Variants in BACH2 observed in about 807,000 individuals in gnomAD.
BACH2 encodes the protein BACH transcriptional regulator 2.
In BACH2, 5 loss-of-function variants were observed where a neutral mutation model predicts 61.8. The ratio of observed to expected loss-of-function variants is 0.08; its 90% CI spans 0.04 to 0.17. BACH2 has a LOEUF of 0.17. BACH2 is among the 10% of genes least tolerant of loss of function. The pLI is 1.00. For synonymous variants in BACH2, 446 were observed against 440.1 expected (o/e 1.01, Z -0.17); for missense variants, 824 against 1,091.1 (o/e 0.76, Z 3.45).
chr6:90,227,370 G>C (rs1769951019), intron 3 of BACH2, among the ~76,000 whole-genome samples: 1 of 152,176 alleles, frequency 6.6e-6, no homozygotes, highest in Non-Finnish European at 1.5e-5. Context: ...TCAAACAATG[G>C]GGTCTTTCAG....
intron 3 of BACH2, among the ~76,000 whole-genome samples, chr6:90,247,242 TC>T (rs1770666342): frequency 1.3e-5 from 2 of 151,666 alleles, no homozygotes; most frequent in African/African-American, 4.9e-5. Context: ...TCTTTCTTCT[TC>T]TTCTTTTTTT....
intron 4 of BACH2, among the ~76,000 whole-genome samples, chr6:90,125,485 C>T (rs1783809746): frequency 1.3e-5 from 2 of 152,210 alleles, no homozygotes; most frequent in African/African-American, 4.8e-5. Flanking sequence ...ACCACCCTCC[C>T]AGGTAGGCAA....
At chr6:90,185,927 T>C (rs1768340709) in intron 4 of BACH2, among the ~76,000 whole-genome samples, 1 of 152,230 alleles carries the variant, frequency 6.6e-6, no homozygotes, top group South Asian at 2.1e-4. Context: ...GCAGCCAGTT[T>C]AGTGTTACTG....
chr6:90,180,374 A>G (rs935978579), intron 4 of BACH2, among the ~76,000 whole-genome samples: 7 of 152,212 alleles, frequency 4.6e-5, no homozygotes, highest in Non-Finnish European at 1.0e-4. Flanking sequence ...AATTGCACTA[A>G]TACTTAAAAA....
chr6:90,160,971 C>T (rs1161319347), intron 4 of BACH2, among the ~76,000 whole-genome samples: 2 of 151,854 alleles, frequency 1.3e-5, no homozygotes, highest in Non-Finnish European at 2.9e-5. Context: ...GCTTGTAGTA[C>T]CAGCTACTCT....
At chr6:90,218,262 A>C (rs2127854659) in intron 3 of BACH2, 1 of 152,244 alleles carries the variant, frequency 6.6e-6, no homozygotes, top group East Asian at 1.9e-4. Flanking sequence ...TTGCTCTAAA[A>C]ATTTTTTTAA....
chr6:90,101,541 G>C (rs1448621600), intron 4 of BACH2, among the ~76,000 whole-genome samples: 1 of 152,132 alleles, frequency 6.6e-6, no homozygotes, highest in African/African-American at 2.4e-5. Context: ...AAAACTTTGA[G>C]CATACGTGTA....
chr6:89,952,199 C>T, intron 6 of BACH2: 1 of 301,602 alleles, frequency 3.3e-6, no homozygotes, highest in Non-Finnish European at 6.3e-6. Flanking sequence ...TAATTTCCCT[C>T]CCAATCAGTC....
At chr6:89,949,696 G>A (rs927880761) in intron 7 of BACH2, among the ~76,000 whole-genome samples, 3 of 152,182 alleles carry the variant, frequency 2.0e-5, no homozygotes, top group African/African-American at 7.2e-5. Context: ...TGACTAGGGT[G>A]CTTCTGTGAT....
intron 4 of BACH2, among the ~76,000 whole-genome samples, chr6:90,156,713 GGCA>G (rs1327175174): frequency 1.3e-5 from 2 of 152,056 alleles, no homozygotes; most frequent in African/African-American, 4.8e-5. Flanking sequence ...GAAAAAGAAA[GGCA>G]GCAGATTTCA....
At chr6:90,054,670 G>A (rs959593114) in intron 5 of BACH2, among the ~76,000 whole-genome samples, 2 of 152,334 alleles carry the variant, frequency 1.3e-5, no homozygotes, top group African/African-American at 4.8e-5. Context: ...CGGGCATACT[G>A]CCTCCTTAAG....
intron 7 of BACH2, among the ~76,000 whole-genome samples, chr6:89,942,627 C>T (rs1773501629): frequency 6.6e-6 from 1 of 152,126 alleles, no homozygotes; most frequent in Non-Finnish European, 1.5e-5. Context: ...TACTCAGCCA[C>T]CCACACACAG....
At chr6:90,061,558 A>C (rs992990505) in intron 5 of BACH2, among the ~76,000 whole-genome samples, 2 of 152,164 alleles carry the variant, frequency 1.3e-5, no homozygotes, top group Admixed American at 6.5e-5. Flanking sequence ...CTGAAGATAT[A>C]AATTGGGGAG....
At chr6:90,073,222 ACTGT>A (rs1272909153) in intron 5 of BACH2, among the ~76,000 whole-genome samples, 7 of 152,216 alleles carry the variant, frequency 4.6e-5, no homozygotes, top group Non-Finnish European at 1.0e-4. Flanking sequence ...CATGTTTACT[ACTGT>A]CTATTTTTGT....
chr6:90,048,049 C>A (rs77629516), intron 5 of BACH2, among the ~76,000 whole-genome samples: 1 of 152,044 alleles, frequency 6.6e-6, no homozygotes, highest in East Asian at 1.9e-4. Context: ...GAAATTCAGT[C>A]GTAGCTTTTC....
chr6:90,250,540 T>C (rs1770774176), intron 3 of BACH2, among the ~76,000 whole-genome samples: 1 of 152,228 alleles, frequency 6.6e-6, no homozygotes, highest in African/African-American at 2.4e-5. Context: ...TTGAGCCCTG[T>C]TATGGGCCAG....
At chr6:90,231,173 A>G in intron 3 of BACH2, among the ~76,000 whole-genome samples, 1 of 152,146 alleles carries the variant, frequency 6.6e-6, no homozygotes, top group Non-Finnish European at 1.5e-5. Context: ...CCAATTTTAT[A>G]ACAGAAGACA....
chr6:90,257,144 G>A (rs957500409), intron 2 of BACH2, among the ~76,000 whole-genome samples: 2 of 152,170 alleles, frequency 1.3e-5, no homozygotes, highest in Middle Eastern at 3.2e-3. Flanking sequence ...CACTTAGGTT[G>A]TTTCCATATC....
At chr6:90,174,520 G>T (rs1481475839) in intron 4 of BACH2, among the ~76,000 whole-genome samples, 1 of 151,748 alleles carries the variant, frequency 6.6e-6, no homozygotes, top group Non-Finnish European at 1.5e-5. Context: ...TGCCAGTTCA[G>T]TAAGACAAGA....
Sources: gnomAD v4.1 joint callset for allele counts (sites outside exome capture counted in the v4.1 genomes callset) on GRCh38, gnomAD v4.1.1 for gene constraint, MANE v1.5 for transcripts, NCBI Gene and HGNC (gene_info 2026-07-23, HGNC 2026-07-21) for gene names.